Variants in ARHGAP23 observed in about 807,000 individuals in gnomAD.
ARHGAP23 encodes Rho GTPase activating protein 23.
Under a neutral mutation model 136.3 loss-of-function variants are expected in ARHGAP23, and 34 were observed. That is an observed-to-expected ratio of 0.25 (90% CI 0.19 to 0.33). The LOEUF (loss-of-function observed/expected upper bound fraction) is 0.33. Ranked by LOEUF, ARHGAP23 falls within the 10% of genes least tolerant of loss-of-function variation. The pLI is 1.00. For missense variants in ARHGAP23, 1,808 were observed against 2,139.0 expected, an observed-to-expected ratio of 0.85 and a Z score of 3.05; for synonymous variants, 832 against 920.5, an observed-to-expected ratio of 0.90 and a Z score of 1.74.
At chr17:38,449,991 G>T (rs1215634101) in intron 1 of ARHGAP23, among the ~76,000 whole-genome samples, 1 of 152,148 alleles carries the variant, frequency 6.6e-6, no homozygotes, top group African/African-American at 2.4e-5. Flanking sequence ...GTGCCTACTT[G>T]CTTCTACTCC....
chr17:38,435,050 C>T (rs1439177255), intron 1 of ARHGAP23, among the ~76,000 whole-genome samples: 2 of 152,238 alleles, frequency 1.3e-5, no homozygotes, highest in African/African-American at 4.8e-5. Flanking sequence ...TCTTCCTTTG[C>T]TTCAGCTGGA....
upstream of ARHGAP23, chr17:38,428,419 C>A: frequency 1.1e-6 from 1 of 917,502 alleles, no homozygotes; most frequent in South Asian, 3.4e-5. Flanking sequence ...CCCCCGGCCC[C>A]GCCCCTCCCG....
intron 1 of ARHGAP23, among the ~76,000 whole-genome samples, chr17:38,439,591 T>C (rs2038876289): frequency 6.6e-6 from 1 of 152,228 alleles, no homozygotes; most frequent in Non-Finnish European, 1.5e-5. Flanking sequence ...GACACTGCTG[T>C]GCTGAGCACT....
At chr17:38,420,689 G>C (rs896704459) in intron 1 of ARHGAP23, among the ~76,000 whole-genome samples, 3 of 152,182 alleles carry the variant, frequency 2.0e-5, no homozygotes, top group African/African-American at 7.2e-5. Flanking sequence ...CCTGGGCTGG[G>C]TGTGAGTCTG....
At position 38,511,284 on chromosome 17, in the gene ARHGAP23, G is replaced by C. The variant is rs1317511436; in HGVS notation, c.*312G>C. On this transcript the variant is annotated 3_prime_UTR_variant, in exon 24 of 24. Transcript: ENST00000622683. ...TCTGAGCCTTTCTGTGGCTGCACTT[G>C]GGGACCCTTGTGGACCATGGGGTGT... 2 of 342,826 alleles carry C rather than the reference G, an allele frequency of 5.8e-6. No homozygotes were observed. Among genetic ancestry groups the C allele is most frequent in the Admixed American group, 4.9e-5 (1 of 20,440 alleles). 21.2% of individuals were successfully genotyped at this position (342,826 alleles called of 1,614,324 possible).
At chr17:38,429,213 G>A (rs1271677607) in intron 1 of ARHGAP23, among the ~76,000 whole-genome samples, 2 of 152,236 alleles carry the variant, frequency 1.3e-5, no homozygotes, top group African/African-American at 4.8e-5. Flanking sequence ...AGAGCGCGGG[G>A]TGCCAGGGGC....
In ARHGAP23 at chr17:38,509,935, C is replaced by G; in HGVS notation, c.3448-9C>G. On this transcript the variant is annotated splice_polypyrimidine_tract_variant and intron_variant, in intron 23 of 23. Transcript: ENST00000622683. ...GCGCCCCCCGCATCCTGACCTGTCT[C>G]CCACACAGGGTTCGTGGGCCCCCAA... 2 of 1,248,800 alleles carry G rather than the reference C, an allele frequency of 1.6e-6. No homozygotes were observed. Among genetic ancestry groups the G allele is most frequent in the Non-Finnish European group, 2.0e-6 (2 of 990,498 alleles). The allele number at this position is 1,248,800 out of a possible 1,614,324, so 77.4% of individuals were successfully genotyped here.
intron 1 of ARHGAP23, among the ~76,000 whole-genome samples, chr17:38,442,127 T>C (rs1343583068): frequency 6.6e-6 from 1 of 152,182 alleles, no homozygotes; most frequent in African/African-American, 2.4e-5. Flanking sequence ...GGCTAATTTT[T>C]ACTATTATTT....
chr17:38,468,249 C>A lies in ARHGAP23; in HGVS notation c.1649-895C>A, dbSNP rs139591359. Among the ~76,000 whole-genome samples, 498 of 152,284 alleles carry A rather than the reference C, an allele frequency of 3.3e-3. 2 individuals are homozygous for A. The highest frequency in any genetic ancestry group is 0.012 in the African/African-American group (481 of 41,568). On this transcript the variant is annotated intron_variant, in intron 7 of 23. Coordinates refer to ENST00000622683, the MANE Select transcript of ARHGAP23 (RefSeq NM_001199417.2). ...AGTCACTGGGGTTGGCTTTTGAGAGCAGAGGGAACCCTCTAAGGCTTGCCT... is the reference window on the plus strand; with the variant it reads ...AGTCACTGGGGTTGGCTTTTGAGAGAAGAGGGAACCCTCTAAGGCTTGCCT...
chr17:38,512,202 G>A lies in ARHGAP23; in HGVS notation c.*1230G>A, dbSNP rs1278525724. The A allele has an allele frequency of 6.6e-6, 1 of 152,192 alleles. No homozygotes were observed. Among genetic ancestry groups the A allele is most frequent in the Non-Finnish European group, 1.5e-5 (1 of 68,040 alleles). The allele number at this position is 152,192 out of a possible 1,614,324, so 9.4% of individuals were successfully genotyped here. A position where few individuals can be genotyped will look rare whatever the true frequency, so the allele number is the denominator to read the frequency against. On this transcript the variant is annotated 3_prime_UTR_variant, in exon 24 of 24. Transcript: ENST00000622683. ...TAAAGAATTTATAAGGATTTTTAAA[G>A]ATGTTTTGCTCATTTACAAAAGTGT...
intron 17 of ARHGAP23, 197 bp from the exon 18 acceptor site, chr17:38,489,905 G>A (rs535396706): frequency 5.0e-6 from 3 of 602,392 alleles, no homozygotes; most frequent in Non-Finnish European, 9.1e-6. Flanking sequence ...GTGCACACCC[G>A]AGTGTAGCTG....
chr17:38,434,108 AGCCACCGC>A (rs1157394911), intron 1 of ARHGAP23, among the ~76,000 whole-genome samples: 1 of 152,030 alleles, frequency 6.6e-6, no homozygotes, highest in African/African-American at 2.4e-5. Context: ...TACAAGCGTG[AGCCACCGC>A]GCCTGGCTGG....
chr17:38,473,947 G>A (rs1276040659), intron 11 of ARHGAP23, among the ~76,000 whole-genome samples: 1 of 152,086 alleles, frequency 6.6e-6, no homozygotes, highest in Non-Finnish European at 1.5e-5. Flanking sequence ...TTGAGACGGA[G>A]TTTCACTCTG....
At chr17:38,453,237 G>C (rs2039222717) in intron 1 of ARHGAP23, among the ~76,000 whole-genome samples, 1 of 151,062 alleles carries the variant, frequency 6.6e-6, no homozygotes, top group Non-Finnish European at 1.5e-5. Flanking sequence ...AGAGTGTCCT[G>C]TGTGTGTGGG....
rs1016696380 is a variant in ARHGAP23 at position 38,465,776 on chromosome 17, G to A, written c.484-391G>A. Among the ~76,000 whole-genome samples, 6 of 152,022 alleles carry A rather than the reference G, an allele frequency of 3.9e-5. No homozygotes were observed. The South Asian group carries it at 8.3e-4, about 21-fold the overall frequency. ...TCTTCTCTCATCTGCCACCTTGACT[G>A]GTCTCGGTGGGGTTTTCCGGCTCCA... On this transcript the variant is annotated intron_variant, in intron 6 of 23. Coordinates refer to ENST00000622683, the MANE Select transcript of ARHGAP23 (RefSeq NM_001199417.2).
intron 1 of ARHGAP23, among the ~76,000 whole-genome samples, chr17:38,420,791 C>T (rs1471409942): frequency 2.0e-5 from 3 of 152,002 alleles, no homozygotes; most frequent in Non-Finnish European, 4.4e-5. Flanking sequence ...GAGCAGCAGG[C>T]CTGGCTGCTA....
intron 11 of ARHGAP23, among the ~76,000 whole-genome samples, chr17:38,474,117 C>T (rs2039832638): frequency 6.6e-6 from 1 of 152,128 alleles, no homozygotes; most frequent in South Asian, 2.1e-4. Context: ...GACTGGGTTT[C>T]ACTATGTTGG....
At chr17:38,428,410 C>T, upstream of ARHGAP23, 1 of 759,860 alleles carries the variant, frequency 1.3e-6, no homozygotes, top group Non-Finnish European at 1.8e-6. Context: ...TCGGCCCCGC[C>T]CCCGGCCCCG....
Position 38,511,110 on chromosome 17 carries a change from T to G in ARHGAP23, c.*138T>G. ...TGGAGGGCGCAGCAGGCAGTGTCTCTAGTTGGTGTGCTGGAACTGGCAGGG... is the reference window on the plus strand; with the variant it reads ...TGGAGGGCGCAGCAGGCAGTGTCTCGAGTTGGTGTGCTGGAACTGGCAGGG... On this transcript the variant is annotated 3_prime_UTR_variant, in exon 24 of 24. Coordinates refer to ENST00000622683, the MANE Select transcript of ARHGAP23 (RefSeq NM_001199417.2). 5 of 932,658 alleles carry G rather than the reference T, an allele frequency of 5.4e-6. No individual in the cohort carries two copies. The highest frequency in any genetic ancestry group is 5.9e-6 in the Non-Finnish European group (4 of 678,394). 57.8% of individuals were successfully genotyped at this position (932,658 alleles called of 1,614,324 possible). A position where few individuals can be genotyped will look rare whatever the true frequency, so the allele number is the denominator to read the frequency against.
Sources: gnomAD v4.1 joint callset for allele counts (sites outside exome capture counted in the v4.1 genomes callset) on GRCh38, gnomAD v4.1.1 for gene constraint, MANE v1.5 for transcripts, NCBI Gene and HGNC (gene_info 2026-07-23, HGNC 2026-07-21) for gene names.